The following PHC2 variants were observed in gnomAD, a reference collection of about 807,000 sequenced individuals.
The protein encoded by PHC2 is polyhomeotic homolog 2.
PHC2 carries 29 observed loss-of-function variants against 87.4 expected under a neutral mutation model. The observed-to-expected ratio is 0.33, with a 90% CI of 0.25 to 0.45. The LOEUF is 0.45. Ranked by LOEUF, PHC2 falls within the 20% of genes least tolerant of loss-of-function variation. The pLI, the probability that PHC2 is intolerant of heterozygous loss-of-function variation, is 1.00. For synonymous variants in PHC2, 438 were observed against 461.7 expected (o/e 0.95, Z 0.66); for missense variants, 857 against 1,136.7 (o/e 0.75, Z 3.54).
chr1:33,348,602 T>C (rs1265451056), intron 9 of PHC2, among the ~76,000 whole-genome samples: 11 of 152,074 alleles, frequency 7.2e-5, no homozygotes, highest in Admixed American at 7.2e-4. Flanking sequence ...ATCAGGGACA[T>C]ATGATGGATT....
At chr1:33,359,284 A>G (rs760644501) in intron 7 of PHC2, among the ~76,000 whole-genome samples, 3 of 152,232 alleles carry the variant, frequency 2.0e-5, no homozygotes, top group Admixed American at 6.5e-5. Flanking sequence ...AATATGCAGG[A>G]AACGACTCAC....
chr1:33,332,870 C>T lies in PHC2; in HGVS notation c.1762-466G>A, dbSNP rs537424131. On this transcript the variant is annotated intron_variant, in intron 10 of 14. Coordinates refer to ENST00000683057, the MANE Select transcript of PHC2 (RefSeq NM_001385109.1). The surrounding 1 kb of genome is among the most constrained non-coding windows in gnomAD (Gnocchi z 4.2). ...CAATGCCTGACCCAAGCCAGAGGTA[C>T]AGGCCGCCACAGAGTATAGCAGGAA... Among the ~76,000 whole-genome samples the T allele has an allele frequency of 1.1e-4, 17 of 152,258 alleles. No homozygotes were observed. The highest frequency in any genetic ancestry group is 4.1e-4 in the African/African-American group (17 of 41,556).
intron 9 of PHC2, chr1:33,346,019 A>C: frequency 5.1e-6 from 5 of 985,294 alleles, no homozygotes; most frequent in Non-Finnish European, 6.0e-6. Flanking sequence ...GGTGACTCAT[A>C]GTTTAAACCA....
chr1:33,356,083 TTATC>T (rs1647064894), intron 7 of PHC2, among the ~76,000 whole-genome samples: 1 of 151,876 alleles, frequency 6.6e-6, no homozygotes, highest in South Asian at 2.1e-4. Flanking sequence ...TAATTGTTTC[TTATC>T]TGTCTTCCAG....
At chr1:33,346,918 T>C (rs1646854941) in intron 9 of PHC2, 1 of 985,294 alleles carries the variant, frequency 1.0e-6, no homozygotes, top group Non-Finnish European at 1.2e-6. Flanking sequence ...GTGTTTTTCC[T>C]TAAATAAGAA....
chr1:33,367,044 G>C, intron 7 of PHC2, 72 bp downstream of exon 7: 1 of 1,303,506 alleles, frequency 7.7e-7, no homozygotes, highest in South Asian at 1.4e-5. Flanking sequence ...AAAAAGGAAA[G>C]TGTGAAAGTC....
At chr1:33,415,885 A>C (rs1207781644) in intron 1 of PHC2, among the ~76,000 whole-genome samples, 1 of 152,230 alleles carries the variant, frequency 6.6e-6, no homozygotes, top group Non-Finnish European at 1.5e-5. Flanking sequence ...ACTGGATGAG[A>C]TTAACAACAG....
At chr1:33,356,831 C>T (rs1258476333) in intron 7 of PHC2, among the ~76,000 whole-genome samples, 9 of 151,894 alleles carry the variant, frequency 5.9e-5, no homozygotes, top group East Asian at 1.9e-4. Context: ...GGGTGGCGGC[C>T]GGGCAGAGAG....
At chr1:33,421,914 C>T (rs923188026) in intron 1 of PHC2, among the ~76,000 whole-genome samples, 2 of 152,206 alleles carry the variant, frequency 1.3e-5, no homozygotes, top group African/African-American at 2.4e-5. Context: ...GATCTGATCT[C>T]GTTACTCCTA....
At chr1:33,346,057 C>G (rs957106101) in intron 9 of PHC2, 2 of 985,326 alleles carry the variant, frequency 2.0e-6, no homozygotes, top group East Asian at 1.1e-4. Context: ...AAGCATAAAT[C>G]TATGTGTTCA....
At chr1:33,384,866 G>C (rs1176852490) in intron 1 of PHC2, among the ~76,000 whole-genome samples, 1 of 152,216 alleles carries the variant, frequency 6.6e-6, no homozygotes, top group African/African-American at 2.4e-5. Flanking sequence ...GCAACAGTAA[G>C]ATTTTGTTAA....
At chr1:33,356,275 A>ATATATATATT (rs1222633753) in intron 7 of PHC2, among the ~76,000 whole-genome samples, 2 of 102,794 alleles carry the variant, frequency 1.9e-5, no homozygotes, top group Non-Finnish European at 2.0e-5. Flanking sequence ...ATATATATAT[A>ATATATATATT]TGTATATATA....
intron 14 of PHC2, among the ~76,000 whole-genome samples, chr1:33,327,949 TA>T (rs1646406209): frequency 1.3e-5 from 2 of 152,194 alleles, no homozygotes; most frequent in Non-Finnish European, 2.9e-5. Context: ...AACTGTGTAA[TA>T]AAAATTTTGG....
intron 1 of PHC2, among the ~76,000 whole-genome samples, chr1:33,414,220 A>ACACACAC (rs1411308736): frequency 4.1e-5 from 5 of 120,782 alleles, no homozygotes; most frequent in African/African-American, 1.2e-4. Context: ...CACACACACA[A>ACACACAC]GAAAGGTTAA....
At chr1:33,335,198 T>A in intron 9 of PHC2, 1 of 985,432 alleles carries the variant, frequency 1.0e-6, no homozygotes, top group Non-Finnish European at 1.2e-6. Flanking sequence ...GAACTTCCTC[T>A]CTTCCACTTC....
rs150567324 is a variant in PHC2 at position 33,391,023 on chromosome 1, C to T, written c.-54-15430G>A. Among the ~76,000 whole-genome samples the T allele has an allele frequency of 2.5e-3, 378 of 152,322 alleles. 1 individual carries two copies. The highest frequency in any genetic ancestry group is 3.9e-3 in the Non-Finnish European group (262 of 68,030). ...AGGTGGAATGAGATCTTTCTCATCACACATTGTCCCCTCTTTTCTATTCTT... is the reference window on the plus strand; with the variant it reads ...AGGTGGAATGAGATCTTTCTCATCATACATTGTCCCCTCTTTTCTATTCTT... On this transcript the variant is annotated intron_variant, in intron 1 of 14. Coordinates refer to ENST00000683057, the MANE Select transcript of PHC2 (RefSeq NM_001385109.1).
chr1:33,365,980 A>G (rs1460889217), intron 7 of PHC2, among the ~76,000 whole-genome samples: 1 of 152,250 alleles, frequency 6.6e-6, no homozygotes, highest in Non-Finnish European at 1.5e-5. Context: ...ATCTGTGCCC[A>G]CACTGTACCT....
chr1:33,385,866 G>A (rs1011925003), intron 1 of PHC2, among the ~76,000 whole-genome samples: 3 of 150,806 alleles, frequency 2.0e-5, no homozygotes, highest in East Asian at 2.0e-4. Flanking sequence ...GCATGATCTC[G>A]GCTCACTGCA....
chr1:33,357,156 A>G (rs1295731955), intron 7 of PHC2, among the ~76,000 whole-genome samples: 1 of 152,190 alleles, frequency 6.6e-6, no homozygotes, highest in East Asian at 1.9e-4. Context: ...GAGCTAGCCA[A>G]GTGCATGGCA....
Sources: gnomAD v4.1 joint callset for allele counts (sites outside exome capture counted in the v4.1 genomes callset) on GRCh38, gnomAD v4.1.1 for gene constraint, Gnocchi (gnomAD v3.1) non-coding constraint, MANE v1.5 for transcripts, NCBI Gene and HGNC (gene_info 2026-07-23, HGNC 2026-07-21) for gene names.